KHDRBS2: variants seen among roughly 807,000 people sequenced by gnomAD.
KHDRBS2 encodes the protein KH RNA binding domain containing, signal transduction associated 2.
KHDRBS2 carries 26 observed loss-of-function variants against 44.3 expected under a neutral mutation model. That is an observed-to-expected ratio of 0.59 (90% CI 0.43 to 0.81). The LOEUF is 0.81. KHDRBS2 is among the 40% of genes least tolerant of loss of function. The pLI is 0.00. For missense variants in KHDRBS2, 476 were observed against 433.1 expected, an observed-to-expected ratio of 1.10 and a Z score of -0.88; for synonymous variants, 194 against 151.1, an observed-to-expected ratio of 1.28 and a Z score of -2.08.
chr6:61,612,764 C>T, the KHDRBS2 span, among the ~76,000 whole-genome samples: 1 of 150,880 alleles, frequency 6.6e-6, no homozygotes, highest in East Asian at 1.9e-4. Context: ...TTTTTATGGA[C>T]CTAAATATTA....
the KHDRBS2 span, among the ~76,000 whole-genome samples, chr6:61,634,713 T>G: frequency 2.6e-5 from 4 of 152,134 alleles, no homozygotes; most frequent in Non-Finnish European, 5.9e-5. Context: ...CAAGAAAAAA[T>G]GGGCTCAGAG....
At chr6:61,912,283 C>T (rs553780536) in intron 4 of KHDRBS2, among the ~76,000 whole-genome samples, 12 of 151,928 alleles carry the variant, frequency 7.9e-5, no homozygotes, top group Non-Finnish European at 1.6e-4. Context: ...AAGTTCCCCC[C>T]AAAAAAGATA....
At chr6:62,229,162 T>C (rs939178891) in intron 1 of KHDRBS2, among the ~76,000 whole-genome samples, 13 of 152,042 alleles carry the variant, frequency 8.6e-5, no homozygotes, top group Non-Finnish European at 1.9e-4. Flanking sequence ...CCTAGGGGCT[T>C]ATGCCCAGGG....
At chr6:62,023,437 C>T (rs1392072992) in intron 3 of KHDRBS2, among the ~76,000 whole-genome samples, 1 of 151,566 alleles carries the variant, frequency 6.6e-6, no homozygotes, top group Admixed American at 6.6e-5. Context: ...ATTTTGCTTT[C>T]TAGCCCTCAT....
intron 2 of KHDRBS2, among the ~76,000 whole-genome samples, chr6:62,076,755 CAAAT>C (rs1287686019): frequency 1.3e-5 from 2 of 151,760 alleles, no homozygotes; most frequent in African/African-American, 2.4e-5. Context: ...GCTGAAAGAC[CAAAT>C]AAATAATAAA....
intron 4 of KHDRBS2, among the ~76,000 whole-genome samples, chr6:61,955,300 A>C (rs564498851): frequency 6.8e-6 from 1 of 146,376 alleles, no homozygotes; most frequent in South Asian, 2.1e-4. Context: ...ATGTATGTAT[A>C]CATATATATG....
intron 1 of KHDRBS2, among the ~76,000 whole-genome samples, chr6:62,205,339 T>A (rs780095960): frequency 3.3e-5 from 5 of 152,184 alleles, no homozygotes; most frequent in Admixed American, 6.6e-5. Context: ...ATATTTATAG[T>A]TCTTGACAGT....
rs1041521207 is a variant in KHDRBS2 at position 61,866,223 on chromosome 6, C to T, written c.810+28412G>A. On this transcript the variant is annotated intron_variant, in intron 6 of 8. Transcript: ENST00000281156. Reference sequence around the variant, plus strand: ...GAGAGTCTGCCCCTAAGGCAAACTTCTACCTGGACATTCAGGAGTTTCCAT... The same window carrying T: ...GAGAGTCTGCCCCTAAGGCAAACTTTTACCTGGACATTCAGGAGTTTCCAT... Among the ~76,000 whole-genome samples the T allele has an allele frequency of 4.6e-5, 7 of 152,252 alleles. No homozygotes were observed. In the East Asian group the frequency reaches 5.8e-4, roughly 13 times the overall value.
intron 4 of KHDRBS2, among the ~76,000 whole-genome samples, chr6:61,929,081 T>C (rs16900679): frequency 0.07 from 10,614 of 152,096 alleles, 429 homozygotes; most frequent in Middle Eastern, 0.14. Context: ...CAAAAAACAT[T>C]CAAATTGGGC....
At chr6:61,978,298 ATTTAAGCAAAT>A (rs1773134296) in intron 3 of KHDRBS2, 86 bp from the exon 4 acceptor site, 1 of 1,021,514 alleles carries the variant, frequency 9.8e-7, no homozygotes, top group South Asian at 1.8e-5. Flanking sequence ...AAGGTGTATA[ATTTAAGCAAAT>A]TTTCCATAAT....
At chr6:61,970,171 C>T (rs959789) in intron 4 of KHDRBS2, among the ~76,000 whole-genome samples, 99,220 of 151,706 alleles carry the variant, frequency 0.65, 32,593 homozygotes, top group African/African-American at 0.72. Context: ...ATCTTGTTGA[C>T]TGATTAATTT....
At chr6:61,948,893 C>T (rs1033269648) in intron 4 of KHDRBS2, among the ~76,000 whole-genome samples, 7 of 151,830 alleles carry the variant, frequency 4.6e-5, no homozygotes, top group Admixed American at 4.0e-4. Flanking sequence ...GTGATAAAGC[C>T]TTTATGCCCC....
chr6:61,843,369 TTATTA>T (rs1793893966), intron 6 of KHDRBS2, among the ~76,000 whole-genome samples: 1 of 148,426 alleles, frequency 6.7e-6, no homozygotes, highest in Non-Finnish European at 1.5e-5. Context: ...ATTATTATTA[TTATTA>T]TATTTTGAGA....
the KHDRBS2 span, among the ~76,000 whole-genome samples, chr6:61,613,139 A>C: frequency 6.6e-6 from 1 of 152,168 alleles, no homozygotes; most frequent in South Asian, 2.1e-4. Context: ...GGCGTGAGCC[A>C]CTGCACCCAG....
chr6:61,938,735 C>T (rs1276329789), intron 4 of KHDRBS2, among the ~76,000 whole-genome samples: 1 of 151,930 alleles, frequency 6.6e-6, no homozygotes, highest in African/African-American at 2.4e-5. Context: ...CTCCTTTTGT[C>T]CACAAAAGGT....
chr6:61,938,223 TAAC>T (rs1811408431), intron 4 of KHDRBS2, among the ~76,000 whole-genome samples: 1 of 152,128 alleles, frequency 6.6e-6, no homozygotes, highest in African/African-American at 2.4e-5. Context: ...TAAAATGTGC[TAAC>T]ATAAGATCAG....
At chr6:61,577,848 C>T in the KHDRBS2 span, among the ~76,000 whole-genome samples, 1 of 152,118 alleles carries the variant, frequency 6.6e-6, no homozygotes, top group Non-Finnish European at 1.5e-5. Context: ...AACATGAGAG[C>T]TGTAAACATT....
At chr6:61,778,380 C>G (rs1316280884) in intron 6 of KHDRBS2, among the ~76,000 whole-genome samples, 2 of 151,986 alleles carry the variant, frequency 1.3e-5, no homozygotes, top group Admixed American at 1.3e-4. Flanking sequence ...AACTATTTTT[C>G]ATCCAAATTA....
chr6:61,770,110 C>T (rs1582719883), intron 6 of KHDRBS2, among the ~76,000 whole-genome samples: 2 of 152,286 alleles, frequency 1.3e-5, no homozygotes, highest in South Asian at 4.1e-4. Flanking sequence ...CTCCAACAGA[C>T]CTGCAGCTGA....
Sources: gnomAD v4.1 joint callset for allele counts (sites outside exome capture counted in the v4.1 genomes callset) on GRCh38, gnomAD v4.1.1 for gene constraint, MANE v1.5 for transcripts, NCBI Gene and HGNC (gene_info 2026-07-23, HGNC 2026-07-21) for gene names.